CHRM3: variants seen among roughly 807,000 people sequenced by gnomAD.
CHRM3 encodes the protein muscarinic acetylcholine receptor M3.
Under a neutral mutation model 41.8 loss-of-function variants are expected in CHRM3, and 11 were observed. The observed-to-expected ratio is 0.26, with a 90% confidence interval of 0.17 to 0.44. The LOEUF is 0.44. CHRM3 is among the 20% of genes least tolerant of loss of function. CHRM3 has a pLI of 1.00. For missense variants in CHRM3, 571 were observed against 745.4 expected, an observed-to-expected ratio of 0.77 and a Z score of 2.72; for synonymous variants, 297 against 301.4, an observed-to-expected ratio of 0.99 and a Z score of 0.15.
At position 239,859,880 on chromosome 1, in the gene CHRM3, T is replaced by G. The variant is rs958890392; in HGVS notation, c.-20+32502T>G. 2.1e-5 allele frequency among the ~76,000 whole-genome samples: 3 copies of G among 143,912 alleles called. No homozygotes were observed. In the East Asian group the frequency reaches 6.0e-4, roughly 29 times the overall value. The allele number at this position is 143,912 out of a possible 152,430, so 94.4% of individuals were successfully genotyped here. ...ATTTAATCTCAAAATAAGTATAGTA[T>G]TATTATACGTAAAGCATGTGGACCA... On this transcript the variant is annotated intron_variant, in intron 6 of 6. Coordinates refer to ENST00000676153, the MANE Select transcript of CHRM3 (RefSeq NM_001375978.1).
intron 1 of CHRM3, among the ~76,000 whole-genome samples, chr1:239,439,408 C>T (rs572122885): frequency 2.6e-4 from 40 of 151,944 alleles, no homozygotes; most frequent in Non-Finnish European, 4.1e-4. Flanking sequence ...TATTGGAATT[C>T]GTGATATTTC....
At chr1:239,414,406 G>A (rs1420918752) in intron 1 of CHRM3, among the ~76,000 whole-genome samples, 2 of 152,188 alleles carry the variant, frequency 1.3e-5, no homozygotes, top group African/African-American at 4.8e-5. Context: ...CATTTAGGTT[G>A]TGTCTACCTA....
intron 1 of CHRM3, among the ~76,000 whole-genome samples, chr1:239,404,252 G>A (rs1416773275): frequency 6.0e-5 from 9 of 149,140 alleles, no homozygotes; most frequent in Non-Finnish European, 1.2e-4. Flanking sequence ...TCGCACCACT[G>A]CACTCCAGCC....
intron 5 of CHRM3, among the ~76,000 whole-genome samples, chr1:239,734,940 T>A (rs1452107257): frequency 6.6e-6 from 1 of 152,136 alleles, no homozygotes; most frequent in Admixed American, 6.6e-5. Context: ...ATTATTTAAA[T>A]TTTTCAAAAG....
chr1:239,850,559 C>T (rs962402218), intron 6 of CHRM3, among the ~76,000 whole-genome samples: 4 of 152,134 alleles, frequency 2.6e-5, no homozygotes, highest in African/African-American at 9.7e-5. Context: ...CTGTTATCAC[C>T]AGTCATCTAT....
intron 3 of CHRM3, chr1:239,546,028 A>G (rs1659256798): frequency 6.6e-6 from 1 of 152,188 alleles, no homozygotes; most frequent in African/African-American, 2.4e-5. Flanking sequence ...AACTGAATTA[A>G]GAAACGTCAC....
chr1:239,457,836 G>A (rs533811787), intron 1 of CHRM3, among the ~76,000 whole-genome samples: 14 of 152,332 alleles, frequency 9.2e-5, no homozygotes, highest in Middle Eastern at 3.4e-3. Flanking sequence ...GTTTAAGAAG[G>A]AGATTATAAA....
At chr1:239,771,556 T>C (rs186906573) in intron 5 of CHRM3, among the ~76,000 whole-genome samples, 2 of 152,368 alleles carry the variant, frequency 1.3e-5, no homozygotes, top group Admixed American at 1.3e-4. Flanking sequence ...CTGTGTGACC[T>C]AAGTGGACGT....
At chr1:239,860,708 T>C (rs867395132) in intron 6 of CHRM3, among the ~76,000 whole-genome samples, 2 of 152,188 alleles carry the variant, frequency 1.3e-5, no homozygotes, top group South Asian at 2.1e-4. Context: ...TTTCCCCTTG[T>C]GGTGTCGTGT....
chr1:239,848,146 A>T (rs2149207967), intron 6 of CHRM3, among the ~76,000 whole-genome samples: 1 of 152,282 alleles, frequency 6.6e-6, no homozygotes, highest in East Asian at 1.9e-4. Flanking sequence ...GGCTAAGGAG[A>T]CATTGTCCAA....
intron 5 of CHRM3, among the ~76,000 whole-genome samples, chr1:239,743,558 T>A (rs1376935548): frequency 6.6e-6 from 1 of 152,014 alleles, no homozygotes; most frequent in Admixed American, 6.6e-5. Flanking sequence ...CCACCCAACC[T>A]TCCAGATGAG....
intron 5 of CHRM3, among the ~76,000 whole-genome samples, chr1:239,709,268 G>A (rs1313725831): frequency 6.6e-6 from 1 of 152,060 alleles, no homozygotes; most frequent in Non-Finnish European, 1.5e-5. Context: ...TTGTTTTCTG[G>A]GTTATTTTGT....
At chr1:239,817,405 G>T (rs1449510368) in intron 5 of CHRM3, among the ~76,000 whole-genome samples, 1 of 152,030 alleles carries the variant, frequency 6.6e-6, no homozygotes, top group Non-Finnish European at 1.5e-5. Flanking sequence ...TTCATGGTCA[G>T]TTTGATGTGA....
At position 239,449,779 on chromosome 1, in the gene CHRM3, G is replaced by T. The variant is rs377609022; in HGVS notation, c.-520-42930G>T. On this transcript the variant is annotated intron_variant, in intron 1 of 6. Coordinates refer to ENST00000676153, the MANE Select transcript of CHRM3 (RefSeq NM_001375978.1). ...GCGTGTGTGTGTATGCATGTTGTGG[G>T]TGTGTATAAAATTGTATCATAGAGG... 7.9e-5 allele frequency among the ~76,000 whole-genome samples: 12 copies of T among 151,730 alleles called. No homozygotes were observed. The East Asian group carries it at 2.3e-3, about 29-fold the overall frequency.
intron 4 of CHRM3, among the ~76,000 whole-genome samples, chr1:239,677,549 G>A (rs1658135747): frequency 6.6e-6 from 1 of 152,168 alleles, no homozygotes; most frequent in Non-Finnish European, 1.5e-5. Context: ...TGGCCTTCTT[G>A]CTGAGTCACC....
In CHRM3 at chr1:239,678,256, A is replaced by G. The variant is rs200497303; in HGVS notation, c.-179A>G. ...CAACATACAGCACAATTCTGGACAC[A>G]TTGTATTGGTTTGATGCTCCTACCT... On this transcript the variant is annotated 5_prime_UTR_variant, in exon 5 of 7. Coordinates refer to ENST00000676153, the MANE Select transcript of CHRM3 (RefSeq NM_001375978.1). 1 of 152,160 alleles carries G rather than the reference A, an allele frequency of 6.6e-6. No individual in the cohort carries two copies. Among genetic ancestry groups the G allele is most frequent in the Non-Finnish European group, 1.5e-5 (1 of 68,024 alleles). 9.4% of individuals were successfully genotyped at this position (152,160 alleles called of 1,614,324 possible). A position where few individuals can be genotyped will look rare whatever the true frequency, so the allele number is the denominator to read the frequency against.
chr1:239,822,406 T>C (rs1478442987), intron 5 of CHRM3, among the ~76,000 whole-genome samples: 1 of 152,224 alleles, frequency 6.6e-6, no homozygotes, highest in Non-Finnish European at 1.5e-5. Flanking sequence ...GCTTTTCTAC[T>C]TTCTAGGGAT....
At chr1:239,584,006 G>A (rs974151664) in intron 3 of CHRM3, among the ~76,000 whole-genome samples, 3 of 151,978 alleles carry the variant, frequency 2.0e-5, no homozygotes, top group Non-Finnish European at 4.4e-5. Flanking sequence ...CTGGGGGAAC[G>A]CAGGAGTCCT....
At chr1:239,603,540 G>C (rs1448886207) in intron 3 of CHRM3, among the ~76,000 whole-genome samples, 1 of 152,062 alleles carries the variant, frequency 6.6e-6, no homozygotes, top group Non-Finnish European at 1.5e-5. Flanking sequence ...AACTAAGTAA[G>C]AATGTATAGA....
Sources: gnomAD v4.1 joint callset for allele counts (sites outside exome capture counted in the v4.1 genomes callset) on GRCh38, gnomAD v4.1.1 for gene constraint, MANE v1.5 for transcripts, NCBI Gene and HGNC (gene_info 2026-07-23, HGNC 2026-07-21) for gene names.